CFAP52: variants seen among roughly 807,000 people sequenced by gnomAD.
CFAP52 encodes the protein cilia and flagella associated protein 52.
In CFAP52, 57 loss-of-function variants were observed where a neutral mutation model predicts 70.5. That is an observed-to-expected ratio of 0.81 (90% CI 0.65 to 1.01). The LOEUF (loss-of-function observed/expected upper bound fraction) is 1.01. Ranked by LOEUF, CFAP52 falls within the 50% of genes least tolerant of loss-of-function variation. The pLI is 0.00. For missense variants in CFAP52, 785 were observed against 788.5 expected (o/e 1.00, Z 0.05); for synonymous variants, 267 against 292.5 (o/e 0.91, Z 0.89).
intron 6 of CFAP52, among the ~76,000 whole-genome samples, chr17:9,602,440 C>A (rs1189062835): frequency 6.6e-6 from 1 of 152,074 alleles, no homozygotes. Flanking sequence ...CATGTCCCTG[C>A]AAAGGACATG....
chr17:9,635,480 T>C lies in CFAP52; in HGVS notation c.1396T>C (p.Cys466Arg), dbSNP rs1397936937. The change falls in exon 11 of 14, where the codon TGC (cysteine) becomes CGC (arginine). Residue 466 changes from cysteine (C) to arginine (R), a missense_variant. Coordinates refer to ENST00000352665, the MANE Select transcript of CFAP52 (RefSeq NM_145054.5). ...GAAGGAACACAAGTCATCAGTGTCC[T>C]GCATTAGGGTGAAGAGGAACAACGA... Reference protein sequence around the residue: ...ALKEHKSSVSCIRVKRNNEEC... With the variant: ...ALKEHKSSVSRIRVKRNNEEC... 1 of 1,614,202 alleles carries C rather than the reference T, an allele frequency of 6.2e-7. No individual in the cohort carries two copies. The highest frequency in any genetic ancestry group is 8.5e-7 in the Non-Finnish European group (1 of 1,180,032).
chr17:9,591,222 A>C (rs919365561), intron 3 of CFAP52, among the ~76,000 whole-genome samples: 1 of 7,096 alleles, frequency 1.4e-4, no homozygotes, highest in Admixed American at 3.9e-3. Context: ...TTTTTAGTAG[A>C]GACGGGGGTC....
At chr17:9,633,741 A>G (rs1910653309) in intron 10 of CFAP52, among the ~76,000 whole-genome samples, 1 of 150,634 alleles carries the variant, frequency 6.6e-6, no homozygotes, top group African/African-American at 2.5e-5. Flanking sequence ...CAGTGGCACA[A>G]TCTTGGCTCA....
At chr17:9,585,512 CAAAA>C (rs1226976034) in intron 1 of CFAP52, among the ~76,000 whole-genome samples, 1 of 151,186 alleles carries the variant, frequency 6.6e-6, no homozygotes, top group Admixed American at 6.6e-5. Flanking sequence ...ACTAAAAATA[CAAAA>C]AAAAATTAGC....
chr17:9,581,501 A>C (rs1343097377), intron 1 of CFAP52, among the ~76,000 whole-genome samples: 1 of 151,664 alleles, frequency 6.6e-6, no homozygotes, highest in Non-Finnish European at 1.5e-5. Context: ...TTACAGTTTA[A>C]AGTGTACATA....
At position 9,610,531 on chromosome 17, in the gene CFAP52, A is replaced by ATT. The variant is rs58955810; in HGVS notation, c.855-1767_855-1766dup. On this transcript the variant is annotated intron_variant, in intron 7 of 13. Transcript: ENST00000352665. ...CAGTGCCAAGATCTTTCCTTTCCCC[A>ATT]TTTTTTTTTTTTGTTTGTTTTGAGA... Among the ~76,000 whole-genome samples, 818 of 145,392 alleles carry ATT rather than the reference A, an allele frequency of 5.6e-3. 3 individuals are homozygous for ATT. The highest frequency in any genetic ancestry group is 0.015 in the African/African-American group (618 of 40,076).
rs756260777 is a variant in CFAP52 at position 9,638,591 on chromosome 17, T to G, written c.1473-18T>G. 4 of 1,611,296 alleles carry G rather than the reference T, an allele frequency of 2.5e-6. No individual in the cohort carries two copies. The highest frequency in any genetic ancestry group is 3.4e-6 in the Non-Finnish European group (4 of 1,177,998). ...GAAGAGAAAGTCGACTTTCACAGCT[T>G]TTGAATCTACTTTCCAGGCGTCTCA... On this transcript the variant is annotated intron_variant, in intron 11 of 13. Coordinates refer to ENST00000352665, the MANE Select transcript of CFAP52 (RefSeq NM_145054.5).
intron 7 of CFAP52, among the ~76,000 whole-genome samples, chr17:9,609,668 A>T (rs1439790259): frequency 6.6e-6 from 1 of 152,170 alleles, no homozygotes; most frequent in African/African-American, 2.4e-5. Context: ...TGATCATGGC[A>T]CTGAACTCAG....
chr17:9,629,070 G>C (rs1053619531), intron 9 of CFAP52, among the ~76,000 whole-genome samples: 1 of 152,106 alleles, frequency 6.6e-6, no homozygotes, highest in African/African-American at 2.4e-5. Flanking sequence ...TTTCTCTCTA[G>C]TAGGAAAATT....
Position 9,615,400 on chromosome 17 carries a change from T to C in CFAP52, c.1025+2921T>C, listed in dbSNP as rs1165458840. ...TTTCAACTCTTTATTTTCAACCTAT[T>C]AGTGTTTAGTTTTAGGTAAGTCTTA... On this transcript the variant is annotated intron_variant, in intron 8 of 13. Coordinates refer to ENST00000352665, the MANE Select transcript of CFAP52 (RefSeq NM_145054.5). 2.0e-5 allele frequency among the ~76,000 whole-genome samples: 3 copies of C among 152,304 alleles called. 1 individual carries two copies. In the East Asian group the frequency reaches 5.8e-4, roughly 29 times the overall value.
Position 9,585,564 on chromosome 17 carries a change from G to A in CFAP52, c.71-209G>A, listed in dbSNP as rs188380864. On this transcript the variant is annotated intron_variant, in intron 1 of 13. Coordinates refer to ENST00000352665, the MANE Select transcript of CFAP52 (RefSeq NM_145054.5). ...CGGGTGCCTGTAATCCCAGCTACTC[G>A]GGAGGCTGAAGCAGGAGAATCACTT... Among the ~76,000 whole-genome samples, 847 of 151,788 alleles carry A rather than the reference G, an allele frequency of 5.6e-3. 6 individuals carry two copies. The highest frequency in any genetic ancestry group is 0.019 in the African/African-American group (789 of 41,376).
chr17:9,613,899 A>G (rs921451821), intron 8 of CFAP52, among the ~76,000 whole-genome samples: 38 of 78,410 alleles, frequency 4.8e-4, no homozygotes, highest in Non-Finnish European at 1.2e-3. Flanking sequence ...CGTTATTTCT[A>G]ACAGTGAAAA....
In CFAP52 at chr17:9,594,178, C is replaced by A; in HGVS notation, c.408-15C>A. The A allele has an allele frequency of 6.4e-7, 1 of 1,551,180 alleles. No homozygotes were observed. Among genetic ancestry groups the A allele is most frequent in the Non-Finnish European group, 8.7e-7 (1 of 1,150,136 alleles). ...CTCTTTGACTTTTTTTTTTTGGTCCCTCTTATTTTGGCAGTGTGGTGGTGT... is the reference window on the plus strand; with the variant it reads ...CTCTTTGACTTTTTTTTTTTGGTCCATCTTATTTTGGCAGTGTGGTGGTGT... On this transcript the variant is annotated splice_polypyrimidine_tract_variant and intron_variant, in intron 3 of 13. Transcript: ENST00000352665.
intron 9 of CFAP52, among the ~76,000 whole-genome samples, chr17:9,630,995 A>G (rs1023764831): frequency 4.3e-5 from 2 of 46,410 alleles, no homozygotes; most frequent in Non-Finnish European, 7.0e-5. Context: ...CAAAAAAAAG[A>G]AAGAAAGAAA....
intron 3 of CFAP52, among the ~76,000 whole-genome samples, chr17:9,593,850 A>G (rs1023166513): frequency 6.6e-6 from 1 of 151,770 alleles, no homozygotes; most frequent in African/African-American, 2.4e-5. Flanking sequence ...CTGTAGTCCC[A>G]GCTACTCAGG....
In CFAP52 at chr17:9,583,603, G is replaced by A. The variant is rs190708787; in HGVS notation, c.71-2170G>A. ...AACATATCCTGTTTTTAAAATAGAG[G>A]TATTTTATATTATTATAAAAATCAT... On this transcript the variant is annotated intron_variant, in intron 1 of 13. Transcript: ENST00000352665. Among the ~76,000 whole-genome samples, 267 of 152,028 alleles carry A rather than the reference G, an allele frequency of 1.8e-3. 3 individuals are homozygous for A. The highest frequency in any genetic ancestry group is 2.9e-3 in the Non-Finnish European group (199 of 67,988).
chr17:9,584,215 A>C lies in CFAP52; in HGVS notation c.71-1558A>C, dbSNP rs1187802451. The C allele has an allele frequency of 9.6e-6, 12 of 1,250,946 alleles. No individual in the cohort carries two copies. In the South Asian group the frequency reaches 1.5e-4, roughly 16 times the overall value. 77.5% of individuals were successfully genotyped at this position (1,250,946 alleles called of 1,614,324 possible). The stretch of plus-strand genomic sequence containing the variant: ...CTCCTGAAACTGTTTTTAGTGAATA[A>C]ACTACCAACTCAAGCAAAACAATAA... On this transcript the variant is annotated intron_variant, in intron 1 of 13. Transcript: ENST00000352665.
intron 6 of CFAP52, among the ~76,000 whole-genome samples, chr17:9,602,529 A>T (rs372272286): frequency 2.6e-5 from 4 of 152,202 alleles, no homozygotes; most frequent in East Asian, 1.9e-4. Context: ...TCTATCATTG[A>T]TGGACATTTG....
intron 11 of CFAP52, among the ~76,000 whole-genome samples, chr17:9,636,219 G>GAAAGA (rs1567637163): frequency 4.1e-5 from 6 of 144,696 alleles, no homozygotes; most frequent in Non-Finnish European, 8.9e-5. Flanking sequence ...AAGAAAGAAA[G>GAAAGA]AAAGAAAGAA....
Sources: gnomAD v4.1 joint callset for allele counts (sites outside exome capture counted in the v4.1 genomes callset) on GRCh38, gnomAD v4.1.1 for gene constraint, MANE v1.5 for transcripts, NCBI Gene and HGNC (gene_info 2026-07-23, HGNC 2026-07-21) for gene names.